KIF21B: variants seen among roughly 807,000 people sequenced by gnomAD.
The protein encoded by KIF21B is kinesin family member 21B, also known as kinesin-like protein KIF21B.
Under a neutral mutation model 192.9 loss-of-function variants are expected in KIF21B, and 85 were observed. The observed-to-expected ratio is 0.44, with a 90% CI of 0.37 to 0.53. The LOEUF (loss-of-function observed/expected upper bound fraction) is 0.53, where lower values mean the gene tolerates loss of function less well. KIF21B is among the 20% of genes least tolerant of loss of function. KIF21B has a pLI of 0.00. For missense variants in KIF21B, 1,716 were observed against 2,194.8 expected (o/e 0.78, Z 4.36); for synonymous variants, 832 against 884.6 (o/e 0.94, Z 1.05).
intron 29 of KIF21B, among the ~76,000 whole-genome samples, chr1:200,980,094 A>C (rs1191125380): frequency 6.6e-6 from 1 of 152,208 alleles, no homozygotes; most frequent in Non-Finnish European, 1.5e-5. Context: ...GTGCAAGCAA[A>C]TGTTATGGGA....
chr1:200,994,539 C>T (rs142507890), intron 15 of KIF21B, among the ~76,000 whole-genome samples: 36 of 152,322 alleles, frequency 2.4e-4, no homozygotes, highest in African/African-American at 7.9e-4. Flanking sequence ...GCTGAAGGAG[C>T]TCAGCAATCC....
At chr1:201,013,409 C>T (rs1658338682) in intron 1 of KIF21B, among the ~76,000 whole-genome samples, 1 of 152,192 alleles carries the variant, frequency 6.6e-6, no homozygotes, top group Non-Finnish European at 1.5e-5. Flanking sequence ...CAGTGGCCTA[C>T]TTGGCCCCAG....
chr1:200,979,608 C>T lies in KIF21B; in HGVS notation c.4087G>A (p.Val1363Met). Residue 1363 changes from valine to methionine, a missense_variant, in exon 30 of 35, where the codon GTG (valine) becomes ATG (methionine). By Grantham distance (21) the Val-to-Met change is conservative. This residue lies in a region of KIF21B where 580 missense variants were observed against 775.5 expected (regional missense o/e 0.75). Transcript: ENST00000461742. ...ATGTAGGAGGTGGACACGGAGAACACAAGCCCCGAGTGGCTGCAGTACTTG... is the reference window on the plus strand; with the variant it reads ...ATGTAGGAGGTGGACACGGAGAACATAAGCCCCGAGTGGCTGCAGTACTTG... ...SIKYCSHSGL[V>M]FSVSTSYIKV... 1 of 1,592,784 alleles carries T rather than the reference C, an allele frequency of 6.3e-7. No individual in the cohort carries two copies. The highest frequency in any genetic ancestry group is 8.5e-7 in the Non-Finnish European group (1 of 1,169,940).
intron 22 of KIF21B, 34 bp from the exon 23 acceptor site, chr1:200,988,578 A>G: frequency 6.5e-7 from 1 of 1,530,380 alleles, no homozygotes; most frequent in Non-Finnish European, 8.9e-7. Flanking sequence ...AAAGGGGTTG[A>G]GAAGCCCTGT....
intron 27 of KIF21B, 139 bp downstream of exon 27, chr1:200,984,720 G>A: frequency 1.8e-6 from 1 of 559,420 alleles, no homozygotes; most frequent in Non-Finnish European, 3.1e-6. Context: ...GAGGGCATCA[G>A]GGCCTCAGCT....
rs1344784553 is a variant in KIF21B at position 200,995,875 on chromosome 1, G to C, written c.2277+321C>G. 2.0e-5 allele frequency among the ~76,000 whole-genome samples: 3 copies of C among 152,142 alleles called. No individual in the cohort carries two copies. The East Asian group carries it at 5.8e-4, about 29-fold the overall frequency. On this transcript the variant is annotated intron_variant, in intron 15 of 34. Coordinates refer to ENST00000461742, the MANE Select transcript of KIF21B (RefSeq NM_001252102.2). The stretch of plus-strand genomic sequence containing the variant: ...CATGTGCACTTTGCGCAGACCCGAA[G>C]CGAGTATGCTGCAGCCTCCCCAACA...
chr1:200,998,508 G>A lies in KIF21B; in HGVS notation c.1953C>T (p.Asp651=), dbSNP rs763113247. The A allele has an allele frequency of 9.5e-5, 154 of 1,613,886 alleles. No homozygotes were observed. The highest frequency in any genetic ancestry group is 1.3e-4 in the Non-Finnish European group (148 of 1,180,038). Residue 651 remains aspartate (D), a synonymous_variant, in exon 14 of 35, where the codon GAC becomes GAT. Transcript: ENST00000461742. This position sits in a 1 kb window ranked among gnomAD's most constrained non-coding sequence, Gnocchi z 4.3. ...ACCGCCGCTGGCTGTTCTCCAGCTC[G>A]TCGATCAGCTTCTGCTTGATTTCGA... The part of the protein sequence containing the change: ...CEIEIKQKLI[D]ELENSQRRLQ...
rs753882792 is a variant in KIF21B at position 201,000,109 on chromosome 1, GCT to G, written c.1686-147_1686-146del. On this transcript the variant is annotated intron_variant, in intron 11 of 34. Coordinates refer to ENST00000461742, the MANE Select transcript of KIF21B (RefSeq NM_001252102.2). This position sits in a 1 kb window ranked among gnomAD's most constrained non-coding sequence, Gnocchi z 6.0. ...CTCCTACTCTGCAGAGAACCCCACT[GCT>G]CTTCCCTAGGGCCACCCAGAGCTGA... 2.6e-6 allele frequency: 2 copies of G among 772,312 alleles called. No individual in the cohort carries two copies. The highest frequency in any genetic ancestry group is 4.3e-6 in the Non-Finnish European group (2 of 465,312). The allele number at this position is 772,312 out of a possible 1,614,324, so 47.8% of individuals were successfully genotyped here. A position where few individuals can be genotyped will look rare whatever the true frequency, so the allele number is the denominator to read the frequency against.
chr1:200,975,684 G>C lies in KIF21B; in HGVS notation c.4444-15C>G. The C allele has an allele frequency of 6.3e-7, 1 of 1,597,750 alleles. No individual in the cohort carries two copies. The highest frequency in any genetic ancestry group is 1.1e-5 in the South Asian group (1 of 89,262). The stretch of plus-strand genomic sequence containing the variant: ...AGCTCGAACATCTGTGGGAGGAGGG[G>C]CCAGTAGGGAGAGGCCAAGTGGGAG... On this transcript the variant is annotated splice_polypyrimidine_tract_variant and intron_variant, in intron 32 of 34. Transcript: ENST00000461742. The surrounding 1 kb of genome is among the most constrained non-coding windows in gnomAD (Gnocchi z 4.3).
Position 200,973,282 on chromosome 1 carries a change from G to T in KIF21B, c.*239C>A. ...GGAACAAGAAGGGATAATGCCCTTT[G>T]GCTTCACAGCTTAATTTCCTCCCCA... On this transcript the variant is annotated 3_prime_UTR_variant, in exon 35 of 35. Transcript: ENST00000461742. The T allele has an allele frequency of 2.2e-6, 1 of 464,650 alleles. No homozygotes were observed. Among genetic ancestry groups the T allele is most frequent in the Non-Finnish European group, 3.6e-6 (1 of 274,430 alleles). The allele number at this position is 464,650 out of a possible 1,614,324, so 28.8% of individuals were successfully genotyped here.
At chr1:200,974,980 C>T in intron 33 of KIF21B, 67 bp from the exon 34 acceptor site, 1 of 1,518,376 alleles carries the variant, frequency 6.6e-7, no homozygotes, top group Admixed American at 1.7e-5. Context: ...CCCCAGGGCC[C>T]CTCTTGCTAG....
chr1:201,016,539 G>A (rs940635150), intron 1 of KIF21B, among the ~76,000 whole-genome samples: 2 of 152,202 alleles, frequency 1.3e-5, no homozygotes, highest in East Asian at 3.9e-4. Flanking sequence ...CTGCTCTCAG[G>A]GGAGTCTGGC....
chr1:200,969,589 G>A lies in KIF21B; in HGVS notation c.*3932C>T, dbSNP rs1655121008. The A allele has an allele frequency of 6.5e-6, 1 of 152,786 alleles. No homozygotes were observed. Among genetic ancestry groups the A allele is most frequent in the Non-Finnish European group, 1.5e-5 (1 of 68,074 alleles). 9.5% of individuals were successfully genotyped at this position (152,786 alleles called of 1,614,324 possible). A position where few individuals can be genotyped will look rare whatever the true frequency, so the allele number is the denominator to read the frequency against. On this transcript the variant is annotated 3_prime_UTR_variant, in exon 35 of 35. Transcript: ENST00000461742. ...CTAATGAAGCCTGCAGCCTGGGCAG[G>A]ACATGATTGCTAGAAAAGAGTTGGT...
rs989940216 is a variant in KIF21B at position 200,998,796 on chromosome 1, C to T, written c.1886-221G>A. On this transcript the variant is annotated intron_variant, in intron 13 of 34. Transcript: ENST00000461742. The surrounding 1 kb of genome is among the most constrained non-coding windows in gnomAD (Gnocchi z 4.3). ...AGAAAGGCAAGGTAGGGCTCAGGAGCTGGCAGGGGGGATCTACACGTCCTT... is the reference window on the plus strand; with the variant it reads ...AGAAAGGCAAGGTAGGGCTCAGGAGTTGGCAGGGGGGATCTACACGTCCTT... 9.3e-5 allele frequency among the ~76,000 whole-genome samples: 13 copies of T among 139,510 alleles called. No individual in the cohort carries two copies. The highest frequency in any genetic ancestry group is 2.9e-4 in the African/African-American group (11 of 37,400). The allele number at this position is 139,510 out of a possible 152,430, so 91.5% of individuals were successfully genotyped here.
Position 201,000,083 on chromosome 1 carries a change from G to T in KIF21B, c.1686-119C>A. Reference sequence around the variant, plus strand: ...TCACCAGAGGCCGGGGAGAGCACTGGCTCCTACTCTGCAGAGAACCCCACT... The same window carrying T: ...TCACCAGAGGCCGGGGAGAGCACTGTCTCCTACTCTGCAGAGAACCCCACT... On this transcript the variant is annotated intron_variant, in intron 11 of 34. Coordinates refer to ENST00000461742, the MANE Select transcript of KIF21B (RefSeq NM_001252102.2). This position sits in a 1 kb window ranked among gnomAD's most constrained non-coding sequence, Gnocchi z 6.0. 1 of 901,158 alleles carries T rather than the reference G, an allele frequency of 1.1e-6. No individual in the cohort carries two copies. Among genetic ancestry groups the T allele is most frequent in the Non-Finnish European group, 1.8e-6 (1 of 562,620 alleles). 55.8% of individuals were successfully genotyped at this position (901,158 alleles called of 1,614,324 possible).
chr1:200,980,944 T>C lies in KIF21B; in HGVS notation c.3979+16A>G. The C allele has an allele frequency of 6.2e-7, 1 of 1,606,530 alleles. No homozygotes were observed. The highest frequency in any genetic ancestry group is 8.5e-7 in the Non-Finnish European group (1 of 1,177,156). ...GGAGACCCCAACCCTACCTGGCTAG[T>C]TGGCGTTCCACATACCTTTGGACCC... On this transcript the variant is annotated intron_variant, in intron 29 of 34. Transcript: ENST00000461742.
Position 201,009,410 on chromosome 1 carries a change from G to A in KIF21B, c.120C>T (p.Val40=), listed in dbSNP as rs1245157926. The A allele has an allele frequency of 1.9e-6, 3 of 1,614,110 alleles. No homozygotes were observed. Among genetic ancestry groups the A allele is most frequent in the Non-Finnish European group, 2.5e-6 (3 of 1,180,018 alleles). ...CTSVTPGEPQ[V]LLGKDKAFTY... is the part of the protein sequence containing the mutation. The stretch of plus-strand genomic sequence containing the variant: ...TGAAGGCCTTGTCCTTCCCCAGCAG[G>A]ACCTGGGGCTCTCCCGGGGTAACAG... The change falls in exon 2 of 35, where the codon GTC becomes GTT. Residue 40 remains valine (V), a synonymous_variant. Transcript: ENST00000461742.
Position 200,989,990 on chromosome 1 carries a change from A to G in KIF21B, c.3084T>C (p.Ala1028=), listed in dbSNP as rs140828785. 1.9e-4 allele frequency: 300 copies of G among 1,614,034 alleles called. 2 individuals are homozygous for G. The highest frequency in any genetic ancestry group is 1.3e-3 in the Middle Eastern group (8 of 6,062). The change falls in exon 21 of 35, where the codon GCT becomes GCC. Residue 1028 remains alanine, a synonymous_variant. Coordinates refer to ENST00000461742, the MANE Select transcript of KIF21B (RefSeq NM_001252102.2). ...AGTTGTCTAGCAGGAGGCGGGCTTC[A>G]GCCAGGGAGCAGGAGCTGATGACCA... ...TSVVISSCSL[A]EARLLLDNFL...
chr1:201,021,094 A>G (rs572494930), intron 1 of KIF21B, among the ~76,000 whole-genome samples: 6 of 152,322 alleles, frequency 3.9e-5, no homozygotes, highest in Non-Finnish European at 7.4e-5. Flanking sequence ...CTTTCAGGTG[A>G]GAGAAGTGAT....
Sources: gnomAD v4.1 joint callset for allele counts (sites outside exome capture counted in the v4.1 genomes callset) on GRCh38, gnomAD v4.1.1 for gene constraint, gnomAD v4.1.1 regional missense constraint, Gnocchi (gnomAD v3.1) non-coding constraint, MANE v1.5 for transcripts, NCBI Gene and HGNC (gene_info 2026-07-23, HGNC 2026-07-21) for gene names.